EXOC6B: variants seen among roughly 807,000 people sequenced by gnomAD.
EXOC6B encodes the protein SEC15 homolog B.
A neutral mutation model predicts 113.5 loss-of-function variants in EXOC6B; 54 were observed. The ratio of observed to expected loss-of-function variants is 0.48; its 90% CI spans 0.38 to 0.60. The LOEUF is 0.60. Ranked by LOEUF, EXOC6B falls within the 20% of genes least tolerant of loss-of-function variation. The probability of loss-of-function intolerance (pLI) is 0.00; values close to 1 mark genes in which losing one functional copy is unlikely to be tolerated. For synonymous variants in EXOC6B, 357 were observed against 339.0 expected (o/e 1.05, Z -0.58); for missense variants, 797 against 977.5 (o/e 0.82, Z 2.46).
chr2:72,566,564 A>G (rs1704190381), intron 7 of EXOC6B, among the ~76,000 whole-genome samples: 1 of 151,976 alleles, frequency 6.6e-6, no homozygotes, highest in Admixed American at 6.6e-5. Flanking sequence ...ATATATGACC[A>G]CTCCTGGCTG....
intron 18 of EXOC6B, among the ~76,000 whole-genome samples, chr2:72,459,059 G>A (rs1417023709): frequency 6.6e-6 from 1 of 151,556 alleles, no homozygotes; most frequent in African/African-American, 2.4e-5. Flanking sequence ...AAGCTACAAA[G>A]AAATAAGGAT....
intron 18 of EXOC6B, among the ~76,000 whole-genome samples, chr2:72,440,336 CT>C (rs1473326812): frequency 6.6e-6 from 1 of 152,176 alleles, no homozygotes; most frequent in East Asian, 1.9e-4. Context: ...GCCCATCAGA[CT>C]AACAGTGAAA....
Position 72,465,305 on chromosome 2 carries a change from G to A in EXOC6B, c.1835C>T (p.Thr612Ile). The change falls in exon 18 of 22, where the codon ACC becomes ATC. Residue 612 changes from threonine (T) to isoleucine (I), a missense_variant. By Grantham distance (89) the Thr-to-Ile change is moderately conservative (BLOSUM62 -1). Transcript: ENST00000272427. ...CTGGTCAATCTTCTGGTTTAAGTTG[G>A]TATAAATCTCTTCTTCAGCTGCATG... The part of the protein sequence containing the change: ...ARHAAEEEIY[T>I]NLNQKIDQFL... 1 of 1,604,344 alleles carries A rather than the reference G, an allele frequency of 6.2e-7. No individual in the cohort carries two copies. Among genetic ancestry groups the A allele is most frequent in the South Asian group, 1.1e-5 (1 of 89,138 alleles).
chr2:72,573,770 A>G (rs1489149719), intron 7 of EXOC6B, among the ~76,000 whole-genome samples: 3 of 152,190 alleles, frequency 2.0e-5, no homozygotes, highest in African/African-American at 7.2e-5. Flanking sequence ...AAAATTATTC[A>G]CTTAAATAGC....
chr2:72,779,935 G>A (rs1398444797), intron 1 of EXOC6B, among the ~76,000 whole-genome samples: 6 of 152,140 alleles, frequency 3.9e-5, no homozygotes, highest in Non-Finnish European at 7.4e-5. Context: ...GAGGAAAGAG[G>A]CAAGTCTGAA....
intron 6 of EXOC6B, among the ~76,000 whole-genome samples, chr2:72,690,059 T>G (rs565980025): frequency 1.3e-5 from 2 of 152,352 alleles, no homozygotes; most frequent in South Asian, 4.1e-4. Flanking sequence ...AAGTTGCTTT[T>G]GTTCAGAGCA....
intron 8 of EXOC6B, among the ~76,000 whole-genome samples, chr2:72,535,832 T>A (rs1042670700): frequency 6.6e-6 from 1 of 150,706 alleles, no homozygotes; most frequent in Non-Finnish European, 1.5e-5. Context: ...ATTGCGCCAT[T>A]GCACTCCAGC....
chr2:72,292,445 T>C (rs1685859445), intron 20 of EXOC6B, among the ~76,000 whole-genome samples: 2 of 151,862 alleles, frequency 1.3e-5, no homozygotes, highest in African/African-American at 4.8e-5. Flanking sequence ...TCACAGGACA[T>C]TGCCAAAAAC....
At chr2:72,291,297 C>T (rs759870389) in intron 20 of EXOC6B, among the ~76,000 whole-genome samples, 2 of 152,184 alleles carry the variant, frequency 1.3e-5, no homozygotes, top group Non-Finnish European at 2.9e-5. Context: ...AGCTCCACAA[C>T]TGATTTTTCA....
intron 1 of EXOC6B, among the ~76,000 whole-genome samples, chr2:72,820,399 C>A (rs1038155366): frequency 1.3e-5 from 2 of 152,050 alleles, no homozygotes; most frequent in African/African-American, 4.8e-5. Flanking sequence ...GTAACTGTAT[C>A]ATTAATATAC....
chr2:72,362,341 A>G (rs1319106042), intron 19 of EXOC6B, among the ~76,000 whole-genome samples: 2 of 152,172 alleles, frequency 1.3e-5, no homozygotes, highest in African/African-American at 4.8e-5. Context: ...TAATGTACCA[A>G]TCTTTTGAAT....
chr2:72,592,480 C>G (rs976070107), intron 6 of EXOC6B, among the ~76,000 whole-genome samples: 1 of 152,142 alleles, frequency 6.6e-6, no homozygotes, highest in Non-Finnish European at 1.5e-5. Context: ...AAGCATGAAA[C>G]TGGATTAAGG....
At chr2:72,409,684 A>G (rs900355266) in intron 18 of EXOC6B, among the ~76,000 whole-genome samples, 19 of 135,208 alleles carry the variant, frequency 1.4e-4, no homozygotes, top group Non-Finnish European at 2.0e-4. Flanking sequence ...ACGTGGACAC[A>G]GGAAGGGGAA....
chr2:72,467,592 T>C (rs1413152128), intron 17 of EXOC6B, among the ~76,000 whole-genome samples: 3 of 152,196 alleles, frequency 2.0e-5, no homozygotes, highest in African/African-American at 7.2e-5. Flanking sequence ...ATGTTGAATA[T>C]TTTTTCATAT....
At chr2:72,474,315 G>T (rs1484944019) in intron 17 of EXOC6B, among the ~76,000 whole-genome samples, 1 of 151,970 alleles carries the variant, frequency 6.6e-6, no homozygotes, top group Non-Finnish European at 1.5e-5. Flanking sequence ...ATCACTCATT[G>T]GACTTGAGAA....
chr2:72,701,454 G>C (rs1258971922), intron 6 of EXOC6B, among the ~76,000 whole-genome samples: 2 of 151,752 alleles, frequency 1.3e-5, no homozygotes, highest in African/African-American at 4.8e-5. Flanking sequence ...GGTCTCATCA[G>C]CAAAGTAAAC....
intron 20 of EXOC6B, among the ~76,000 whole-genome samples, chr2:72,247,805 C>G (rs1052957610): frequency 2.0e-5 from 3 of 152,148 alleles, no homozygotes; most frequent in Non-Finnish European, 4.4e-5. Context: ...AAAGTGAATA[C>G]TTTTGGTCCT....
At chr2:72,239,656 C>G (rs1365837619) in intron 20 of EXOC6B, among the ~76,000 whole-genome samples, 3 of 152,082 alleles carry the variant, frequency 2.0e-5, no homozygotes, top group East Asian at 3.9e-4. Context: ...TTTGACTGTT[C>G]TTTGTTTCCA....
intron 7 of EXOC6B, among the ~76,000 whole-genome samples, chr2:72,564,652 T>C (rs1276607108): frequency 1.3e-5 from 2 of 152,186 alleles, no homozygotes; most frequent in Non-Finnish European, 2.9e-5. Flanking sequence ...CAGAACTATG[T>C]TGCTTCCCAA....
Sources: allele counts gnomAD v4.1 joint callset (sites outside exome capture counted in the v4.1 genomes callset), GRCh38; gene constraint gnomAD v4.1.1; transcripts MANE v1.5; gene names NCBI Gene and HGNC (gene_info 2026-07-23, HGNC 2026-07-21).